The following VIPR1 variants were observed in gnomAD, a reference collection of about 807,000 sequenced individuals.
The protein encoded by VIPR1 is vasoactive intestinal peptide receptor 1.
VIPR1 carries 59 observed loss-of-function variants against 58.8 expected under a neutral mutation model. The ratio of observed to expected loss-of-function variants is 1.00; its 90% CI spans 0.81 to 1.25. The LOEUF (loss-of-function observed/expected upper bound fraction) is 1.25, where lower values mean the gene tolerates loss of function less well. VIPR1 is among the 50% of genes most tolerant of loss of function. The pLI is 0.00. For missense variants in VIPR1, 626 were observed against 602.7 expected, an observed-to-expected ratio of 1.04 and a Z score of -0.40; for synonymous variants, 251 against 242.1, an observed-to-expected ratio of 1.04 and a Z score of -0.34.
intron 3 of VIPR1, among the ~76,000 whole-genome samples, chr3:42,524,372 TG>T (rs1442043091): frequency 1.3e-5 from 2 of 152,140 alleles, no homozygotes; most frequent in Non-Finnish European, 2.9e-5. Flanking sequence ...CTTGCAACAG[TG>T]AGGTTGGGAG....
intron 3 of VIPR1, among the ~76,000 whole-genome samples, chr3:42,523,641 G>A (rs1232759883): frequency 1.5e-5 from 1 of 64,796 alleles, no homozygotes; most frequent in Non-Finnish European, 3.2e-5. Context: ...ACACACACAC[G>A]GCATGTGAAG....
chr3:42,513,927 A>C, intron 2 of VIPR1, 73 bp downstream of exon 2: 1 of 1,479,280 alleles, frequency 6.8e-7, no homozygotes, highest in Non-Finnish European at 9.2e-7. Context: ...TCAAGCTGAG[A>C]TCCAAGTCAC....
At chr3:42,503,031 C>T (rs975038967) in intron 1 of VIPR1, among the ~76,000 whole-genome samples, 3 of 152,204 alleles carry the variant, frequency 2.0e-5, no homozygotes, top group African/African-American at 7.2e-5. Flanking sequence ...CAGCGCAGCC[C>T]GGAGCAGGCA....
intron 1 of VIPR1, among the ~76,000 whole-genome samples, chr3:42,505,497 T>C (rs1426478923): frequency 6.6e-6 from 1 of 152,210 alleles, no homozygotes; most frequent in African/African-American, 2.4e-5. Context: ...GCCCAGGCCC[T>C]CTTGGCCCCC....
chr3:42,522,080 A>AATATATATAT (rs59106663), intron 3 of VIPR1, among the ~76,000 whole-genome samples: 598 of 52,900 alleles, frequency 0.011, 22 homozygotes, highest in Middle Eastern at 0.025. Context: ...TCTACCTTCG[A>AATATATATAT]ATATATATAT....
At chr3:42,506,719 G>A (rs183211441) in intron 1 of VIPR1, 1 of 151,942 alleles carries the variant, frequency 6.6e-6, no homozygotes, top group Non-Finnish European at 1.5e-5. Context: ...GTAGAGACAG[G>A]GTTTCGCCAT....
Position 42,514,390 on chromosome 3 carries a change from T to A in VIPR1, c.184+536T>A, listed in dbSNP as rs537307028. 2.0e-5 allele frequency among the ~76,000 whole-genome samples: 3 copies of A among 152,224 alleles called. No homozygotes were observed. The East Asian group carries it at 5.8e-4, about 29-fold the overall frequency. On this transcript the variant is annotated intron_variant, in intron 2 of 12. Coordinates refer to ENST00000325123, the MANE Select transcript of VIPR1 (RefSeq NM_004624.4). ...GACCACATGGAAGCTCAAAGCCATC[T>A]TAGTGGTCCCGAGCAAGAAGGGGCA...
In VIPR1 at chr3:42,536,317, C is replaced by T. The variant is rs774402986; in HGVS notation, c.*36C>T. On this transcript the variant is annotated 3_prime_UTR_variant, in exon 13 of 13. Coordinates refer to ENST00000325123, the MANE Select transcript of VIPR1 (RefSeq NM_004624.4). The stretch of plus-strand genomic sequence containing the variant: ...CCCAGGGGCCCAAGGCGGCCCCTCC[C>T]GCCCCTTCCCACTCACCCCGGCAGA... 9.4e-6 allele frequency: 14 copies of T among 1,487,612 alleles called. No individual in the cohort carries two copies. The African/African-American group carries it at 2.0e-4, about 21-fold the overall frequency. 92.2% of individuals were successfully genotyped at this position (1,487,612 alleles called of 1,614,324 possible). A position where few individuals can be genotyped will look rare whatever the true frequency, so the allele number is the denominator to read the frequency against.
intron 6 of VIPR1, chr3:42,530,243 GA>G (rs1453651030): frequency 6.4e-6 from 1 of 155,532 alleles, no homozygotes; most frequent in Non-Finnish European, 1.4e-5. Context: ...ATGATAGGCA[GA>G]GGGGCAGGTA....
At position 42,519,212 on chromosome 3, in the gene VIPR1, T is replaced by C. The variant is rs1320282352; in HGVS notation, c.185-11T>C. 1 of 1,600,698 alleles carries C rather than the reference T, an allele frequency of 6.2e-7. No homozygotes were observed. The highest frequency in any genetic ancestry group is 2.3e-5 in the East Asian group (1 of 43,944). ...GTGCTCACCCATGTGTCTTCTGCCT[T>C]ACCCCCATAGGCTGCAGCAAGATGT... On this transcript the variant is annotated splice_polypyrimidine_tract_variant and intron_variant, in intron 2 of 12. Coordinates refer to ENST00000325123, the MANE Select transcript of VIPR1 (RefSeq NM_004624.4).
intron 1 of VIPR1, among the ~76,000 whole-genome samples, chr3:42,491,493 G>T (rs1402791176): frequency 6.6e-6 from 1 of 152,202 alleles, no homozygotes; most frequent in Non-Finnish European, 1.5e-5. Flanking sequence ...TAAATTAAGT[G>T]ATGGGTGCAT....
chr3:42,517,188 T>G (rs1034853169), intron 2 of VIPR1, among the ~76,000 whole-genome samples: 1 of 152,206 alleles, frequency 6.6e-6, no homozygotes. Flanking sequence ...CCCCAGAAAG[T>G]GCCCCTTGCT....
At chr3:42,514,518 C>T (rs541089423) in intron 2 of VIPR1, among the ~76,000 whole-genome samples, 1 of 151,098 alleles carries the variant, frequency 6.6e-6, no homozygotes, top group Non-Finnish European at 1.5e-5. Flanking sequence ...GCCTCTGCTA[C>T]ATCCAGAGGA....
chr3:42,504,388 T>C (rs1700013114), intron 1 of VIPR1, among the ~76,000 whole-genome samples: 1 of 152,066 alleles, frequency 6.6e-6, no homozygotes, highest in Non-Finnish European at 1.5e-5. Context: ...TCCCCCTGTC[T>C]TTCCACATCT....
upstream of VIPR1, chr3:42,501,838 C>T (rs550152429): frequency 2.0e-5 from 3 of 152,414 alleles, no homozygotes; most frequent in African/African-American, 7.2e-5. The surrounding 1 kb of genome is among the most constrained non-coding windows in gnomAD (Gnocchi z 4.8). Flanking sequence ...CCTCGCTCCC[C>T]ACGCGAGGGC....
intron 10 of VIPR1, 23 bp from the exon 11 acceptor site, chr3:42,534,952 G>T (rs758060491): frequency 1.9e-6 from 3 of 1,613,710 alleles, no homozygotes; most frequent in Non-Finnish European, 2.5e-6. Context: ...CATACCCATG[G>T]CCTGTCCCTC....
At chr3:42,507,060 C>T (rs759889466) in intron 1 of VIPR1, 3 of 152,182 alleles carry the variant, frequency 2.0e-5, no homozygotes, top group African/African-American at 7.2e-5. Flanking sequence ...AACCTCCTGA[C>T]CTTTTACCCC....
intron 1 of VIPR1, 140 bp downstream of exon 1, chr3:42,502,953 C>A: frequency 1.6e-6 from 1 of 618,080 alleles, no homozygotes; most frequent in Non-Finnish European, 2.3e-6. Context: ...TCTCGACTCG[C>A]CTCCTCCCAC....
intron 2 of VIPR1, among the ~76,000 whole-genome samples, chr3:42,518,605 G>A (rs550431): frequency 0.019 from 2,872 of 152,278 alleles, 57 homozygotes; most frequent in East Asian, 0.061. Context: ...CGGGCGTGGC[G>A]GCATGGGCCT....
Sources: gnomAD v4.1 joint callset for allele counts (sites outside exome capture counted in the v4.1 genomes callset) on GRCh38, gnomAD v4.1.1 for gene constraint, Gnocchi (gnomAD v3.1) non-coding constraint, MANE v1.5 for transcripts, NCBI Gene and HGNC (gene_info 2026-07-23, HGNC 2026-07-21) for gene names.